NAF1: variants seen among roughly 807,000 people sequenced by gnomAD.
NAF1 encodes the protein nuclear assembly factor 1 ribonucleoprotein, also known as H/ACA ribonucleoprotein complex non-core subunit NAF1.
In NAF1, 11 loss-of-function variants were observed where a neutral mutation model predicts 40.6. That is an observed-to-expected ratio of 0.27 (90% CI 0.17 to 0.45). The LOEUF is 0.45. Ranked by LOEUF, NAF1 falls within the 20% of genes least tolerant of loss-of-function variation. The pLI, the probability that NAF1 is intolerant of heterozygous loss-of-function variation, is 1.00. For missense variants in NAF1, 607 were observed against 611.1 expected (o/e 0.99, Z 0.07); for synonymous variants, 260 against 228.5 (o/e 1.14, Z -1.24).
At chr4:163,108,089 C>A (rs566226193), downstream of NAF1, among the ~76,000 whole-genome samples, 41 of 152,178 alleles carry the variant, frequency 2.7e-4, no homozygotes, top group African/African-American at 9.2e-4. Context: ...TTTCTTCCTG[C>A]ATGCAACATA....
chr4:163,115,417 C>T (rs184269113), intron 2 of NAF1, among the ~76,000 whole-genome samples: 7 of 151,898 alleles, frequency 4.6e-5, no homozygotes, highest in African/African-American at 1.4e-4. Context: ...ACCGTGGTCT[C>T]GATCTCCTGA....
At chr4:163,137,365 T>C in intron 5 of NAF1, 115 bp from the exon 6 acceptor site, 6 of 1,093,418 alleles carry the variant, frequency 5.5e-6, no homozygotes, top group Non-Finnish European at 7.6e-6. Context: ...ACCTTTAATT[T>C]TGCAATACAG....
downstream of NAF1, among the ~76,000 whole-genome samples, chr4:163,124,074 T>C (rs1730585300): frequency 6.6e-6 from 1 of 152,240 alleles, no homozygotes; most frequent in Non-Finnish European, 1.5e-5. Flanking sequence ...TAGAAATTTA[T>C]GCTGGGCATG....
In NAF1 at chr4:163,153,285, G is replaced by A. The variant is rs184129473; in HGVS notation, c.541-4851C>T. ...CCACCTGCAGCCCCGGTGCAGTGCG[G>A]GATCCACTGGGTGAAGCCAGCTGGG... On this transcript the variant is annotated intron_variant, in intron 2 of 7. Coordinates refer to ENST00000274054, the MANE Select transcript of NAF1 (RefSeq NM_138386.3). Among the ~76,000 whole-genome samples, 353 of 152,338 alleles carry A rather than the reference G, an allele frequency of 2.3e-3. 1 individual carries two copies. The highest frequency in any genetic ancestry group is 2.9e-3 in the Non-Finnish European group (194 of 68,028).
intron 2 of NAF1, among the ~76,000 whole-genome samples, chr4:163,155,078 A>G (rs531598751): frequency 2.0e-5 from 3 of 152,336 alleles, no homozygotes; most frequent in African/African-American, 7.2e-5. Context: ...GCCATGTCAG[A>G]CAAGGTAATA....
At chr4:163,129,566 C>T (rs1025592851) in intron 7 of NAF1, among the ~76,000 whole-genome samples, 1 of 152,104 alleles carries the variant, frequency 6.6e-6, no homozygotes, top group African/African-American at 2.4e-5. Context: ...TAGATGATAA[C>T]CATTCTACTC....
At chr4:163,166,071 C>G (rs1732447386) in intron 1 of NAF1, among the ~76,000 whole-genome samples, 1 of 152,088 alleles carries the variant, frequency 6.6e-6, no homozygotes, top group African/African-American at 2.4e-5. Flanking sequence ...CTAAGATCCT[C>G]GGGTTTTCTA....
At chr4:163,153,283 C>T (rs140979911) in intron 2 of NAF1, among the ~76,000 whole-genome samples, 10,553 of 152,266 alleles carry the variant, frequency 0.069, 428 homozygotes, top group Non-Finnish European at 0.091. Context: ...CGGTGCAGTG[C>T]GGGATCCACT....
At chr4:163,108,459 T>A (rs1367072631), downstream of NAF1, among the ~76,000 whole-genome samples, 1 of 152,168 alleles carries the variant, frequency 6.6e-6, no homozygotes, top group Non-Finnish European at 1.5e-5. Flanking sequence ...CCAACTTCAA[T>A]TATGAAAAGA....
chr4:163,137,357 C>T (rs565522964), intron 5 of NAF1, 107 bp from the exon 6 acceptor site: 3 of 1,231,612 alleles, frequency 2.4e-6, no homozygotes, highest in South Asian at 3.2e-5. Context: ...TGAGTTCAAC[C>T]TTTAATTTTG....
intron 2 of NAF1, among the ~76,000 whole-genome samples, chr4:163,110,674 A>G (rs1460746540): frequency 6.6e-6 from 1 of 152,156 alleles, no homozygotes; most frequent in African/African-American, 2.4e-5. Flanking sequence ...TTTCCACTGA[A>G]AGAGGACAGG....
intron 2 of NAF1, among the ~76,000 whole-genome samples, chr4:163,112,265 A>AAAGT (rs1730184038): frequency 6.6e-6 from 1 of 152,194 alleles, no homozygotes; most frequent in South Asian, 2.1e-4. Flanking sequence ...GCTTTAAGTA[A>AAAGT]AAGTACTCTG....
Position 163,148,424 on chromosome 4 carries a change from G to C in NAF1, c.551C>G (p.Ser184Cys). 6.4e-7 allele frequency: 1 copy of C among 1,574,512 alleles called. No individual in the cohort carries two copies. The highest frequency in any genetic ancestry group is 8.6e-7 in the Non-Finnish European group (1 of 1,165,614). ...KDELLLNELP[S>C]VEELTIILPE... ...CAGAATAATAGTGAGTTCTTCAACA[G>C]AAGGCAGTTCCTATAATTTAAAACA... The change falls in exon 3 of 8, where the codon TCT becomes TGT. Residue 184 changes from serine (S) to cysteine (C), a missense_variant. This residue lies in a region of NAF1 where 407 missense variants were observed against 365.5 expected (regional missense o/e 1.11). Transcript: ENST00000274054.
At chr4:163,120,602 T>C (rs569841742) in intron 2 of NAF1, among the ~76,000 whole-genome samples, 90 of 152,376 alleles carry the variant, frequency 5.9e-4, no homozygotes, top group Non-Finnish European at 1.1e-3. Flanking sequence ...AAAATATGCG[T>C]AACAATTAGG....
intron 2 of NAF1, among the ~76,000 whole-genome samples, chr4:163,151,777 T>C (rs549497354): frequency 6.6e-6 from 1 of 152,168 alleles, no homozygotes; most frequent in African/African-American, 2.4e-5. Flanking sequence ...ATTAGTGTTA[T>C]CAGTATTGAT....
At chr4:163,128,461 T>C (rs1279394614), downstream of NAF1, among the ~76,000 whole-genome samples, 1 of 152,116 alleles carries the variant, frequency 6.6e-6, no homozygotes, top group Admixed American at 6.5e-5. Flanking sequence ...ATTACATTTA[T>C]AATTAAAATT....
downstream of NAF1, among the ~76,000 whole-genome samples, chr4:163,122,886 T>C (rs1730555388): frequency 6.6e-6 from 1 of 152,226 alleles, no homozygotes; most frequent in African/African-American, 2.4e-5. Context: ...TTCTGTTCAT[T>C]ATACATTACC....
chr4:163,134,287 A>G (rs1730975714), intron 6 of NAF1, among the ~76,000 whole-genome samples: 1 of 152,182 alleles, frequency 6.6e-6, no homozygotes, highest in South Asian at 2.1e-4. Context: ...ATTTAAAAAG[A>G]AGAAATAAAA....
chr4:163,166,281 CCT>C (rs772744222), intron 1 of NAF1, 80 bp downstream of exon 1: 48 of 1,486,248 alleles, frequency 3.2e-5, no homozygotes, highest in Non-Finnish European at 4.0e-5. Flanking sequence ...ACACAAGCAA[CCT>C]CTAGGCTCCT....
Sources: allele counts gnomAD v4.1 joint callset (sites outside exome capture counted in the v4.1 genomes callset), GRCh38; gene constraint gnomAD v4.1.1; regional missense constraint gnomAD v4.1.1; transcripts MANE v1.5; gene names NCBI Gene and HGNC (gene_info 2026-07-23, HGNC 2026-07-21).